Variants in HEXB observed in about 807,000 individuals in gnomAD.
HEXB encodes the protein beta-hexosaminidase subunit beta.
In HEXB, 51 loss-of-function variants were observed where a neutral mutation model predicts 71.2. That is an observed-to-expected ratio of 0.72 (90% CI 0.57 to 0.90). The LOEUF is 0.90. Ranked by LOEUF, HEXB falls within the 40% of genes least tolerant of loss-of-function variation. HEXB has a pLI of 0.00. For missense variants in HEXB, 617 were observed against 677.0 expected, an observed-to-expected ratio of 0.91 and a Z score of 0.98; for synonymous variants, 266 against 249.3, an observed-to-expected ratio of 1.07 and a Z score of -0.63.
chr5:74,706,748 G>C (rs992205442), intron 6 of HEXB, among the ~76,000 whole-genome samples: 2 of 151,898 alleles, frequency 1.3e-5, no homozygotes, highest in Admixed American at 1.3e-4. Flanking sequence ...TGGGGGAGGG[G>C]TGCCCGCCAT....
chr5:74,652,701 C>G lies in HEXB; in HGVS notation c.-377+12143C>G, dbSNP rs1748142310. ...GTCCAAGTTCCAAAGTGTTCTTGAG[C>G]AGCCAAAAGTCAGGGATAGAGGCTC... On this transcript the variant is annotated intron_variant, in intron 1 of 13. Coordinates refer to the HEXB transcript ENST00000511181. The surrounding 1 kb of genome is among the most constrained non-coding windows in gnomAD (Gnocchi z 5.4). Among the ~76,000 whole-genome samples the G allele has an allele frequency of 6.6e-6, 1 of 152,100 alleles. No individual in the cohort carries two copies. Among genetic ancestry groups the G allele is most frequent in the Non-Finnish European group, 1.5e-5 (1 of 68,010 alleles).
upstream of HEXB, chr5:74,685,117 T>A: frequency 1.1e-6 from 1 of 872,020 alleles, no homozygotes; most frequent in South Asian, 2.0e-5. Flanking sequence ...TCCCGGGGCC[T>A]GGAGGCGGAG....
chr5:74,708,581 A>T lies in HEXB; in HGVS notation c.771+3261A>T, dbSNP rs1039613686. On this transcript the variant is annotated intron_variant, in intron 6 of 13. Coordinates refer to ENST00000261416, the MANE Select transcript of HEXB (RefSeq NM_000521.4). ...CAGAGACACACATAGGCTCGATATA[A>T]AAGGATGGAGGAAGATCTACCAAGG... 1.3e-5 allele frequency among the ~76,000 whole-genome samples: 2 copies of T among 152,190 alleles called. 1 individual carries two copies. The highest frequency in any genetic ancestry group is 2.9e-5 in the Non-Finnish European group (2 of 68,044).
At chr5:74,718,661 A>C in intron 10 of HEXB, 136 bp from the exon 11 acceptor site, 1 of 896,080 alleles carries the variant, frequency 1.1e-6, no homozygotes, top group Non-Finnish European at 1.8e-6. Context: ...AACTCTGAAG[A>C]AAAGAGGAAA....
At chr5:74,661,557 GTGTGTGTCTC>G (rs1279099214) in intron 1 of HEXB, among the ~76,000 whole-genome samples, 7 of 77,724 alleles carry the variant, frequency 9.0e-5, no homozygotes, top group African/African-American at 4.1e-4. Flanking sequence ...GTGTGTGTGT[GTGTGTGTCTC>G]TCTCTCTCTC....
intron 2 of HEXB, 116 bp from the exon 3 acceptor site, chr5:74,693,523 C>A (rs990198495): frequency 2.5e-6 from 2 of 795,260 alleles, no homozygotes; most frequent in South Asian, 1.4e-5. Flanking sequence ...AGAAATAGGT[C>A]ATGTGCTTGG....
intron 1 of HEXB, among the ~76,000 whole-genome samples, chr5:74,655,209 A>G (rs1425481645): frequency 2.0e-5 from 3 of 152,186 alleles, no homozygotes; most frequent in African/African-American, 7.2e-5. Context: ...ATGGTTGTTC[A>G]TAACAGGCAC....
At position 74,663,993 on chromosome 5, in the gene HEXB, C is replaced by T. The variant is rs1186486616; in HGVS notation, c.-377+23435C>T. ...ACTTTAGGCCAGGCGTGGTGGCACA[C>T]GCCTCTAATCCCAGCACTTTGGGAG... is the stretch of plus-strand genomic sequence containing the variant. On this transcript the variant is annotated intron_variant, in intron 1 of 13. Transcript: ENST00000511181. 5.3e-5 allele frequency among the ~76,000 whole-genome samples: 8 copies of T among 151,944 alleles called. 1 individual carries two copies. The highest frequency in any genetic ancestry group is 2.6e-4 in the Admixed American group (4 of 15,262).
chr5:74,680,557 G>C (rs1455008450), upstream of HEXB, among the ~76,000 whole-genome samples: 1 of 152,178 alleles, frequency 6.6e-6, no homozygotes, highest in African/African-American at 2.4e-5. Context: ...GATTTTTGGG[G>C]TTCTTGGGAG....
rs973989277 is a variant in HEXB, at chr5:74,716,955, C to T, written c.1169+282C>T. On this transcript the variant is annotated intron_variant, in intron 9 of 13. Transcript: ENST00000261416. ...CTGTAATCCCGGCACTTTGGGAGGC[C>T]GAGGCAGGTGGATCACCGGAGGCCA... 1.5e-5 allele frequency: 4 copies of T among 258,096 alleles called. No homozygotes were observed. In the East Asian group the frequency reaches 3.1e-4, roughly 20 times the overall value. 16.0% of individuals were successfully genotyped at this position (258,096 alleles called of 1,614,324 possible).
intron 1 of HEXB, among the ~76,000 whole-genome samples, chr5:74,672,357 G>T (rs1006147341): frequency 2.0e-5 from 3 of 152,164 alleles, no homozygotes; most frequent in African/African-American, 7.2e-5. Flanking sequence ...GAGCTTTCTG[G>T]TCCTTTGCAC....
At position 74,716,568 on chromosome 5, in the gene HEXB, TA is replaced by T; in HGVS notation, c.1083-17del. Reference sequence around the variant, plus strand: ...GCATATCAAACTTCTAATGAAATTTTAATCACTTTTTGCTTCAGGGAATCAA... The same window carrying T: ...GCATATCAAACTTCTAATGAAATTTTATCACTTTTTGCTTCAGGGAATCAA... On this transcript the variant is annotated intron_variant, in intron 8 of 13. Transcript: ENST00000261416. 3 of 1,504,566 alleles carry T rather than the reference TA, an allele frequency of 2.0e-6. No homozygotes were observed. The highest frequency in any genetic ancestry group is 2.8e-6 in the Non-Finnish European group (3 of 1,083,754). The allele number at this position is 1,504,566 out of a possible 1,614,324, so 93.2% of individuals were successfully genotyped here.
intron 1 of HEXB, among the ~76,000 whole-genome samples, chr5:74,671,993 G>C (rs1022327423): frequency 1.2e-4 from 18 of 152,194 alleles, no homozygotes; most frequent in African/African-American, 4.1e-4. Flanking sequence ...GGTTATTCCT[G>C]CTTCTGTGCC....
At chr5:74,664,266 A>AT (rs1242990116) in intron 1 of HEXB, among the ~76,000 whole-genome samples, 1 of 151,304 alleles carries the variant, frequency 6.6e-6, no homozygotes, top group Non-Finnish European at 1.5e-5. Context: ...CAAAAAAAAA[A>AT]AAATTTAAAA....
At chr5:74,644,563 AAC>A (rs1747965689) in intron 1 of HEXB, among the ~76,000 whole-genome samples, 1 of 152,098 alleles carries the variant, frequency 6.6e-6, no homozygotes, top group Non-Finnish European at 1.5e-5. Flanking sequence ...AATAAGGAAA[AAC>A]ACAGGTAATC....
chr5:74,648,555 T>C (rs1433809598), intron 1 of HEXB, among the ~76,000 whole-genome samples: 1 of 146,326 alleles, frequency 6.8e-6, no homozygotes, highest in Admixed American at 6.7e-5. Flanking sequence ...TATACTGTCT[T>C]AATAGTGGGA....
intron 1 of HEXB, among the ~76,000 whole-genome samples, chr5:74,669,543 G>T (rs1232169927): frequency 6.6e-6 from 1 of 152,030 alleles, no homozygotes; most frequent in Non-Finnish European, 1.5e-5. Context: ...CTTTCTCCCT[G>T]ATCTGTCATG....
rs111471440 is a variant in HEXB, at chr5:74,707,633, G to A, written c.771+2313G>A. Among the ~76,000 whole-genome samples, 11 of 152,180 alleles carry A rather than the reference G, an allele frequency of 7.2e-5. No individual in the cohort carries two copies. The East Asian group carries it at 9.7e-4, about 13-fold the overall frequency. ...CTGAAAGCCAAGGCTCGAGAACTAC[G>A]TGAAGAATGCAGAAGCCTCAGGAGC... On this transcript the variant is annotated intron_variant, in intron 6 of 13. Transcript: ENST00000261416.
rs757103269 is a variant in HEXB at position 74,721,170 on chromosome 5, A to G, written c.1666A>G (p.Met556Val). 1.9e-6 allele frequency: 3 copies of G among 1,612,738 alleles called. No individual in the cohort carries two copies. The highest frequency in any genetic ancestry group is 1.7e-6 in the Non-Finnish European group (2 of 1,178,844). Residue 556 changes from methionine (M) to valine (V), a missense_variant, in exon 14 of 14, where the codon ATG (methionine) becomes GTG (valine). Coordinates refer to ENST00000261416, the MANE Select transcript of HEXB (RefSeq NM_000521.4). ...TGCTGGATATTGTAACCATGAGAAC[A>G]TGTAAAAAATGGAGGGGAAAAAGGC... ...LYAGYCNHEN[M>V]
Sources: allele counts gnomAD v4.1 joint callset (sites outside exome capture counted in the v4.1 genomes callset), GRCh38; gene constraint gnomAD v4.1.1; non-coding constraint Gnocchi (gnomAD v3.1); transcripts MANE v1.5; gene names NCBI Gene and HGNC (gene_info 2026-07-23, HGNC 2026-07-21).